Variants in RERG observed in about 807,000 individuals in gnomAD.
RERG encodes RAS like estrogen regulated growth inhibitor.
In RERG, 25 loss-of-function variants were observed where a neutral mutation model predicts 23.2. The ratio of observed to expected loss-of-function variants is 1.08; its 90% confidence interval spans 0.79 to 1.50. The LOEUF is 1.50. RERG is among the 40% of genes most tolerant of loss of function. RERG has a pLI of 0.00. For synonymous variants in RERG, 81 were observed against 89.1 expected (o/e 0.91, Z 0.51); for missense variants, 253 against 250.1 (o/e 1.01, Z -0.08).
At chr12:15,138,063 G>T in intron 2 of RERG, 1 of 273,606 alleles carries the variant, frequency 3.7e-6, no homozygotes, top group Non-Finnish European at 7.3e-6. Context: ...TTTTCTTTTT[G>T]TCAAAATGCT....
chr12:15,202,741 A>G (rs1865234771), intron 2 of RERG, among the ~76,000 whole-genome samples: 2 of 151,738 alleles, frequency 1.3e-5, no homozygotes, highest in South Asian at 4.1e-4. Context: ...GCTATTCTGA[A>G]TAATGCTCCA....
intron 2 of RERG, among the ~76,000 whole-genome samples, chr12:15,170,104 C>T (rs1356940903): frequency 2.0e-5 from 3 of 152,006 alleles, no homozygotes; most frequent in Non-Finnish European, 2.9e-5. Context: ...AGAAATGGCA[C>T]TCATAAATGA....
At chr12:15,164,793 T>C (rs987032055) in intron 2 of RERG, among the ~76,000 whole-genome samples, 2 of 152,202 alleles carry the variant, frequency 1.3e-5, no homozygotes, top group Admixed American at 6.5e-5. Context: ...TAGCACAAAA[T>C]AGTCAAAGGT....
intron 2 of RERG, among the ~76,000 whole-genome samples, chr12:15,133,310 T>C (rs1864087356): frequency 1.3e-5 from 2 of 151,890 alleles, no homozygotes; most frequent in African/African-American, 2.4e-5. Context: ...AGTGCTGCCT[T>C]TTCCAGAATG....
chr12:15,206,085 A>T (rs768749836), intron 2 of RERG, among the ~76,000 whole-genome samples: 7 of 152,108 alleles, frequency 4.6e-5, no homozygotes, highest in Non-Finnish European at 8.8e-5. Flanking sequence ...TAATCCCCAA[A>T]CACTTACCAT....
chr12:15,174,264 A>G (rs1432139627), intron 2 of RERG, among the ~76,000 whole-genome samples: 1 of 152,096 alleles, frequency 6.6e-6, no homozygotes, highest in Non-Finnish European at 1.5e-5. Flanking sequence ...ATTTGAGGAA[A>G]AAAAATAGAT....
chr12:15,154,933 T>A (rs1864500214), intron 2 of RERG, among the ~76,000 whole-genome samples: 1 of 152,238 alleles, frequency 6.6e-6, no homozygotes, highest in African/African-American at 2.4e-5. Flanking sequence ...TTTCATTTTT[T>A]AAAATGTTAA....
chr12:15,168,151 T>C (rs929833883), intron 2 of RERG, among the ~76,000 whole-genome samples: 1 of 152,202 alleles, frequency 6.6e-6, no homozygotes, highest in African/African-American at 2.4e-5. Flanking sequence ...CCAAAGAAGA[T>C]TGCATTTCTT....
chr12:15,120,999 A>G, intron 3 of RERG, 64 bp downstream of exon 3: 2 of 1,189,700 alleles, frequency 1.7e-6, no homozygotes, highest in East Asian at 4.7e-5. Flanking sequence ...AACAGAAAAC[A>G]TTATTCTTTC....
chr12:15,112,657 G>A (rs908998824), intron 3 of RERG, among the ~76,000 whole-genome samples: 1 of 152,212 alleles, frequency 6.6e-6, no homozygotes. Flanking sequence ...GAGTTAGGTT[G>A]AGGAACTCTC....
chr12:15,126,178 T>G (rs1863939270), intron 2 of RERG, among the ~76,000 whole-genome samples: 1 of 122,682 alleles, frequency 8.2e-6, no homozygotes, highest in African/African-American at 3.0e-5. Flanking sequence ...CATTTTTACA[T>G]ATATAAACAT....
At position 15,121,016 on chromosome 12, in the gene RERG, G is replaced by A. The variant is rs11829182; in HGVS notation, c.118+47C>T. 12,983 of 1,272,284 alleles carry A rather than the reference G, an allele frequency of 0.01. 1,060 individuals are homozygous for A. In the African/African-American group the frequency reaches 0.17, roughly 16 times the overall value. The allele number at this position is 1,272,284 out of a possible 1,614,324, so 78.8% of individuals were successfully genotyped here. On this transcript the variant is annotated intron_variant, in intron 3 of 4. Transcript: ENST00000256953. ...CAGAAAACATTATTCTTTCTTTGGG[G>A]CCATAAATTTTTATTGAAGAGGAGA...
chr12:15,171,207 C>T (rs1478497444), intron 2 of RERG, among the ~76,000 whole-genome samples: 2 of 152,212 alleles, frequency 1.3e-5, no homozygotes, highest in Non-Finnish European at 2.9e-5. Context: ...GGTGTTGGAC[C>T]TTCCTACTGC....
chr12:15,142,774 C>T (rs145431157), intron 2 of RERG, among the ~76,000 whole-genome samples: 2 of 151,894 alleles, frequency 1.3e-5, no homozygotes, highest in Non-Finnish European at 2.9e-5. Flanking sequence ...GTAGTTAAAC[C>T]ACCTAAAAAA....
chr12:15,129,925 G>A (rs976098435), intron 2 of RERG, among the ~76,000 whole-genome samples: 1 of 152,128 alleles, frequency 6.6e-6, no homozygotes, highest in South Asian at 2.1e-4. Flanking sequence ...GACAGTGAGG[G>A]AGAGGGATTA....
intron 2 of RERG, among the ~76,000 whole-genome samples, chr12:15,193,314 G>A (rs545782781): frequency 2.1e-4 from 32 of 152,200 alleles, no homozygotes; most frequent in African/African-American, 7.7e-4. Flanking sequence ...GCTTTACGCT[G>A]TTATTTATTT....
intron 4 of RERG, among the ~76,000 whole-genome samples, chr12:15,110,572 G>C (rs61909397): frequency 6.9e-6 from 1 of 144,672 alleles, no homozygotes; most frequent in African/African-American, 2.5e-5. Flanking sequence ...TCCGCCTCCC[G>C]GGTTCACACC....
chr12:15,169,846 T>C (rs1864751213), intron 2 of RERG, among the ~76,000 whole-genome samples: 1 of 151,776 alleles, frequency 6.6e-6, no homozygotes. Flanking sequence ...GAGACCACAA[T>C]GTGGGGACAC....
Position 15,217,429 on chromosome 12 carries a change from C to G in RERG, c.61G>C (p.Ala21Pro), listed in dbSNP as rs1351916612. The change falls in exon 2 of 5, where the codon GCT (alanine) becomes CCT (proline). Residue 21 changes from alanine to proline, a missense_variant and splice_region_variant. Ala to Pro is a conservative substitution (Grantham distance 27, BLOSUM62 -1). Coordinates refer to ENST00000256953, the MANE Select transcript of RERG (RefSeq NM_032918.3). ...ATAACAACCACAACGAAAATCTTAC[C>G]TGACTTGCCCACGCCTGCTCTCCCA... Reference protein sequence around the residue: ...IFGRAGVGKSALVVRFLTKRF... With the variant: ...IFGRAGVGKSPLVVRFLTKRF... The G allele has an allele frequency of 6.2e-7, 1 of 1,610,252 alleles. No homozygotes were observed. Among genetic ancestry groups the G allele is most frequent in the African/African-American group, 1.3e-5 (1 of 74,828 alleles).
Sources: allele counts gnomAD v4.1 joint callset (sites outside exome capture counted in the v4.1 genomes callset), GRCh38; gene constraint gnomAD v4.1.1; transcripts MANE v1.5; gene names NCBI Gene and HGNC (gene_info 2026-07-23, HGNC 2026-07-21).